The following RAB18 variants were observed in gnomAD, a reference collection of about 807,000 sequenced individuals.
The protein encoded by RAB18 is ras-related protein Rab-18.
Under a neutral mutation model 28.5 loss-of-function variants are expected in RAB18, and 10 were observed. That is an observed-to-expected ratio of 0.35 (90% CI 0.22 to 0.60). The LOEUF (loss-of-function observed/expected upper bound fraction) is 0.60, where lower values mean the gene tolerates loss of function less well. RAB18 is among the 20% of genes least tolerant of loss of function. RAB18 has a pLI of 0.78. For synonymous variants in RAB18, 93 were observed against 86.9 expected, an observed-to-expected ratio of 1.07 and a Z score of -0.39; for missense variants, 188 against 244.2, an observed-to-expected ratio of 0.77 and a Z score of 1.53.
At position 27,540,735 on chromosome 10, in the gene RAB18, G is replaced by A. The variant is rs1835006953; in HGVS notation, c.*2684G>A. 1 of 453,906 alleles carries A rather than the reference G, an allele frequency of 2.2e-6. No individual in the cohort carries two copies. Among genetic ancestry groups the A allele is most frequent in the South Asian group, 1.6e-5 (1 of 64,468 alleles). 28.1% of individuals were successfully genotyped at this position (453,906 alleles called of 1,614,324 possible). ...AGTAATTTGCTCAAAACTGAAATCT[G>A]GGGTGATGTTTTCATTTCATGTATT... On this transcript the variant is annotated 3_prime_UTR_variant, in exon 7 of 7. Transcript: ENST00000356940.
chr10:27,537,079 G>A (rs1473809530), intron 6 of RAB18, among the ~76,000 whole-genome samples: 2 of 152,290 alleles, frequency 1.3e-5, no homozygotes, highest in South Asian at 4.1e-4. Flanking sequence ...TGAATGAGAA[G>A]GGATGGGACT....
intron 3 of RAB18, chr10:27,531,489 T>C (rs918010173): frequency 3.3e-5 from 51 of 1,537,750 alleles, no homozygotes; most frequent in Middle Eastern, 1.7e-4. Flanking sequence ...GGTAGCTAAG[T>C]TGAGGTTTGA....
chr10:27,504,556 C>G, intron 1 of RAB18, 119 bp downstream of exon 1: 2 of 1,186,952 alleles, frequency 1.7e-6, no homozygotes, highest in Admixed American at 2.0e-5. Flanking sequence ...GCCGGCTCCG[C>G]TCGCGCCCTC....
At chr10:27,516,631 G>T (rs183167837) in intron 2 of RAB18, among the ~76,000 whole-genome samples, 1 of 151,482 alleles carries the variant, frequency 6.6e-6, no homozygotes, top group Non-Finnish European at 1.5e-5. Context: ...CTATACCTTA[G>T]TCAGAAGGCT....
At chr10:27,506,058 A>T (rs1020692951) in intron 1 of RAB18, among the ~76,000 whole-genome samples, 5 of 152,168 alleles carry the variant, frequency 3.3e-5, no homozygotes, top group African/African-American at 9.7e-5. Context: ...TAAAAAGTTA[A>T]ACGTTGTCTT....
chr10:27,530,445 A>T (rs1026700386), intron 3 of RAB18, among the ~76,000 whole-genome samples: 1 of 151,512 alleles, frequency 6.6e-6, no homozygotes, highest in African/African-American at 2.4e-5. Context: ...TTCTCTCTAA[A>T]ACAGATAGTC....
At chr10:27,515,370 A>G (rs2368233) in intron 2 of RAB18, among the ~76,000 whole-genome samples, 66,335 of 151,986 alleles carry the variant, frequency 0.44, 14,997 homozygotes, top group Non-Finnish European at 0.5. Flanking sequence ...TTTAAAAACT[A>G]TTTTCAAATA....
intron 2 of RAB18, among the ~76,000 whole-genome samples, chr10:27,517,651 TTG>T (rs1469966434): frequency 1.3e-5 from 2 of 152,252 alleles, no homozygotes; most frequent in African/African-American, 2.4e-5. Flanking sequence ...GTTTGACCTA[TTG>T]TGTTTCTTAC....
rs1453822188 is a variant in RAB18 at position 27,540,772 on chromosome 10, C to T, written c.*2721C>T. On this transcript the variant is annotated 3_prime_UTR_variant, in exon 7 of 7. Coordinates refer to ENST00000356940, the MANE Select transcript of RAB18 (RefSeq NM_021252.5). Reference sequence around the variant, plus strand: ...TCATTTCATGTATTTGATTGCCATCCATAAACTCATACTTGGTGTTGACAT... The same window carrying T: ...TCATTTCATGTATTTGATTGCCATCTATAAACTCATACTTGGTGTTGACAT... 6.6e-6 allele frequency: 3 copies of T among 453,924 alleles called. No individual in the cohort carries two copies. The allele number at this position is 453,924 out of a possible 1,614,324, so 28.1% of individuals were successfully genotyped here.
chr10:27,530,184 A>C (rs1413129424), intron 3 of RAB18, among the ~76,000 whole-genome samples: 1 of 151,990 alleles, frequency 6.6e-6, no homozygotes, highest in African/African-American at 2.4e-5. Context: ...AAATAGAATA[A>C]ACTTTCTTCC....
chr10:27,506,604 G>A (rs1175981297), intron 1 of RAB18, among the ~76,000 whole-genome samples: 2 of 152,042 alleles, frequency 1.3e-5, no homozygotes, highest in Non-Finnish European at 2.9e-5. Context: ...ACATAAGCAT[G>A]AGCCACCACA....
At chr10:27,530,489 C>CA (rs1834765789) in intron 3 of RAB18, among the ~76,000 whole-genome samples, 2 of 151,400 alleles carry the variant, frequency 1.3e-5, no homozygotes, top group African/African-American at 4.8e-5. Context: ...TAACATGGTG[C>CA]AGTTCTCAAA....
In RAB18 at chr10:27,526,864, G is replaced by A. The variant is rs766310091; in HGVS notation, c.161G>A (p.Gly54Glu). The A allele has an allele frequency of 1.2e-6, 2 of 1,613,202 alleles. No individual in the cohort carries two copies. The highest frequency in any genetic ancestry group is 2.2e-5 in the South Asian group (2 of 91,014). The part of the protein sequence containing the change: ...DFKVKTISVD[G>E]NKAKLAIWDT... ...AAGGTGAAAACAATTTCAGTGGATG[G>A]AAATAAGGCTAAACTTGCAATATGG... The change falls in exon 3 of 7, where the codon GGA becomes GAA. Residue 54 changes from glycine (G) to glutamate (E), a missense_variant. Gly to Glu is a moderately conservative substitution (Grantham distance 98, BLOSUM62 -2). Transcript: ENST00000356940.
chr10:27,536,714 A>C (rs771383928), intron 6 of RAB18, among the ~76,000 whole-genome samples: 16 of 152,244 alleles, frequency 1.1e-4, no homozygotes, highest in Non-Finnish European at 2.2e-4. Flanking sequence ...AACTTGTTTA[A>C]AAGAAGAGGA....
chr10:27,510,694 C>A (rs1834307530), intron 2 of RAB18, among the ~76,000 whole-genome samples: 1 of 152,140 alleles, frequency 6.6e-6, no homozygotes, highest in African/African-American at 2.4e-5. Context: ...TTACTAACTT[C>A]ATCTGTAAAT....
At position 27,541,739 on chromosome 10, in the gene RAB18, T is replaced by C. The variant is rs1456110057; in HGVS notation, c.*3688T>C. 2.2e-6 allele frequency: 1 copy of C among 452,942 alleles called. No homozygotes were observed. Among genetic ancestry groups the C allele is most frequent in the African/African-American group, 2.0e-5 (1 of 49,960 alleles). The allele number at this position is 452,942 out of a possible 1,614,324, so 28.1% of individuals were successfully genotyped here. On this transcript the variant is annotated 3_prime_UTR_variant, in exon 7 of 7. Coordinates refer to ENST00000356940, the MANE Select transcript of RAB18 (RefSeq NM_021252.5). Reference sequence around the variant, plus strand: ...AGCTTGAGTACTTTTAATATTTTATTGGATATGTTTGTGACTGACTTTAAT... The same window carrying C: ...AGCTTGAGTACTTTTAATATTTTATCGGATATGTTTGTGACTGACTTTAAT...
At chr10:27,519,998 G>T (rs900908790) in intron 2 of RAB18, among the ~76,000 whole-genome samples, 1 of 152,120 alleles carries the variant, frequency 6.6e-6, no homozygotes, top group Admixed American at 6.5e-5. Context: ...TATCATGAAA[G>T]GGAATTGAAT....
At chr10:27,532,674 C>A in intron 4 of RAB18, 95 bp downstream of exon 4, 1 of 901,834 alleles carries the variant, frequency 1.1e-6, no homozygotes, top group Non-Finnish European at 1.8e-6. Flanking sequence ...TTTTACTTCT[C>A]GTTAGAGCTA....
intron 6 of RAB18, among the ~76,000 whole-genome samples, chr10:27,536,047 A>G (rs905508452): frequency 5.3e-5 from 8 of 150,730 alleles, no homozygotes; most frequent in African/African-American, 9.8e-5. Context: ...ACGCCACTGC[A>G]CTCCAGCCTG....
Sources: gnomAD v4.1 joint callset for allele counts (sites outside exome capture counted in the v4.1 genomes callset) on GRCh38, gnomAD v4.1.1 for gene constraint, MANE v1.5 for transcripts, NCBI Gene and HGNC (gene_info 2026-07-23, HGNC 2026-07-21) for gene names.